Variants in PCDH9 observed in about 807,000 individuals in gnomAD.
PCDH9 encodes the protein protocadherin 9, also known as protocadherin-9.
Under a neutral mutation model 70.6 loss-of-function variants are expected in PCDH9, and 24 were observed. That is an observed-to-expected ratio of 0.34 (90% confidence interval 0.25 to 0.48). The LOEUF is 0.48. Among genes scored for constraint, PCDH9 ranks in the 20% least tolerant of loss-of-function variants. The probability of loss-of-function intolerance (pLI) is 0.99; values close to 1 mark genes in which losing one functional copy is unlikely to be tolerated. For missense variants in PCDH9, 1,281 were observed against 1,503.6 expected (o/e 0.85, Z 2.45); for synonymous variants, 562 against 558.5 (o/e 1.01, Z -0.09).
At position 66,526,515 on chromosome 13, in the gene PCDH9, CTCTCTCTCT is replaced by C. The variant is rs1593622877; in HGVS notation, c.3340+104686_3340+104694del. ...TTATACAATGCTTTGAAATCTCTCT[CTCTCTCTCT>C]CTCTCTCTGTCTCTGTCTCTCTCTG... On this transcript the variant is annotated intron_variant, in intron 4 of 4. Coordinates refer to ENST00000377865, the MANE Select transcript of PCDH9 (RefSeq NM_203487.3). 4.6e-5 allele frequency among the ~76,000 whole-genome samples: 4 copies of C among 87,760 alleles called. No homozygotes were observed. The East Asian group carries it at 1.3e-3, about 29-fold the overall frequency. The allele number at this position is 87,760 out of a possible 152,430, so 57.6% of individuals were successfully genotyped here.
chr13:67,196,911 C>T (rs1350028665), intron 2 of PCDH9, among the ~76,000 whole-genome samples: 1 of 151,756 alleles, frequency 6.6e-6, no homozygotes, highest in Non-Finnish European at 1.5e-5. Flanking sequence ...ATAAACATGG[C>T]TATAGGCAAA....
intron 3 of PCDH9, among the ~76,000 whole-genome samples, chr13:66,680,716 A>T (rs2078307518): frequency 6.6e-6 from 1 of 151,996 alleles, no homozygotes; most frequent in Admixed American, 6.6e-5. Context: ...AATGAGCAAT[A>T]GTACACAATA....
At chr13:66,747,016 G>GT (rs1416931679) in intron 3 of PCDH9, among the ~76,000 whole-genome samples, 2 of 150,826 alleles carry the variant, frequency 1.3e-5, no homozygotes, top group African/African-American at 2.4e-5. Flanking sequence ...CAAAAAAACT[G>GT]TATCTATAAT....
intron 4 of PCDH9, among the ~76,000 whole-genome samples, chr13:66,344,040 C>A (rs1281829348): frequency 1.3e-5 from 2 of 152,074 alleles, no homozygotes; most frequent in Non-Finnish European, 1.5e-5. Context: ...GTTAATTTGG[C>A]CATTTAATGT....
intron 4 of PCDH9, among the ~76,000 whole-genome samples, chr13:66,538,184 T>C (rs909893733): frequency 2.0e-5 from 3 of 152,110 alleles, no homozygotes; most frequent in Admixed American, 1.3e-4. Flanking sequence ...TTCTGCATAT[T>C]ATTCATGGAG....
chr13:66,385,962 G>A (rs900944856), intron 4 of PCDH9, among the ~76,000 whole-genome samples: 2 of 149,948 alleles, frequency 1.3e-5, no homozygotes, highest in South Asian at 4.2e-4. Context: ...AGTTACAACT[G>A]TATTTCCTAT....
At chr13:66,825,825 T>C (rs1308316557) in intron 3 of PCDH9, among the ~76,000 whole-genome samples, 1 of 152,160 alleles carries the variant, frequency 6.6e-6, no homozygotes, top group Non-Finnish European at 1.5e-5. Flanking sequence ...GACAAACAGC[T>C]TGATGCAATA....
intron 2 of PCDH9, among the ~76,000 whole-genome samples, chr13:66,969,832 A>T (rs890277450): frequency 8.5e-5 from 13 of 152,180 alleles, no homozygotes; most frequent in African/African-American, 2.9e-4. Context: ...TGGGACATGT[A>T]TACACTCTCG....
At chr13:66,829,746 A>AAAAAT (rs2080892394) in intron 3 of PCDH9, among the ~76,000 whole-genome samples, 1 of 147,064 alleles carries the variant, frequency 6.8e-6, no homozygotes, top group African/African-American at 2.5e-5. Context: ...AAAAAAAAAA[A>AAAAAT]TTTCATTTAG....
rs114845121 is a variant in PCDH9, at chr13:66,794,116, T to C, written c.3138+109388A>G. ...GAATAATTCTCTTTGTTATTTTATT[T>C]GTCTTAGAAACAAGAAAGATAGTTT... On this transcript the variant is annotated intron_variant, in intron 3 of 4. Coordinates refer to ENST00000377865, the MANE Select transcript of PCDH9 (RefSeq NM_203487.3). Among the ~76,000 whole-genome samples, 417 of 152,296 alleles carry C rather than the reference T, an allele frequency of 2.7e-3. 2 individuals carry two copies. Among genetic ancestry groups the C allele is most frequent in the African/African-American group, 9.6e-3 (398 of 41,568 alleles).
chr13:66,350,968 C>T (rs1956283002), intron 4 of PCDH9, among the ~76,000 whole-genome samples: 1 of 152,110 alleles, frequency 6.6e-6, no homozygotes, highest in Non-Finnish European at 1.5e-5. Context: ...CATTGCTAAT[C>T]TTTTCTCATG....
intron 3 of PCDH9, among the ~76,000 whole-genome samples, chr13:66,633,618 C>G (rs1204395389): frequency 6.6e-6 from 1 of 152,066 alleles, no homozygotes; most frequent in Non-Finnish European, 1.5e-5. Context: ...TTTAATGTGT[C>G]TTTGGTATTA....
intron 2 of PCDH9, among the ~76,000 whole-genome samples, chr13:67,159,498 G>A (rs943353995): frequency 4.6e-5 from 7 of 152,152 alleles, no homozygotes; most frequent in African/African-American, 1.4e-4. Context: ...AAAGAAAAGC[G>A]TAGAGTGAGT....
chr13:66,511,750 C>G (rs144568790), intron 4 of PCDH9, among the ~76,000 whole-genome samples: 116 of 152,080 alleles, frequency 7.6e-4, no homozygotes, highest in Middle Eastern at 3.4e-3. Context: ...GTGGTACCTC[C>G]CCTGACTCTC....
intron 2 of PCDH9, among the ~76,000 whole-genome samples, chr13:67,184,740 C>G (rs2088706121): frequency 6.6e-6 from 1 of 151,948 alleles, no homozygotes; most frequent in Non-Finnish European, 1.5e-5. Flanking sequence ...AAAAACCAAC[C>G]AACAAACAAA....
rs763621203 is a variant in PCDH9 at position 67,225,316 on chromosome 13, A to G, written c.3036+89T>C. 5 of 1,427,624 alleles carry G rather than the reference A, an allele frequency of 3.5e-6. No homozygotes were observed. In the East Asian group the frequency reaches 6.8e-5, roughly 19 times the overall value. The allele number at this position is 1,427,624 out of a possible 1,614,324, so 88.4% of individuals were successfully genotyped here. On this transcript the variant is annotated intron_variant, in intron 2 of 4. Coordinates refer to ENST00000377865, the MANE Select transcript of PCDH9 (RefSeq NM_203487.3). The stretch of plus-strand genomic sequence containing the variant: ...CTCTTTCTAACTAAGCTAAAGTTAG[A>G]CCAAAACAATAGACATACTGGCACG...
intron 4 of PCDH9, among the ~76,000 whole-genome samples, chr13:66,420,019 A>G (rs1233413562): frequency 1.3e-5 from 2 of 152,104 alleles, no homozygotes; most frequent in African/African-American, 4.8e-5. Context: ...AGGCTTGAGT[A>G]GGTGCTTTTC....
chr13:66,354,895 T>C (rs552422430), intron 4 of PCDH9, among the ~76,000 whole-genome samples: 1 of 152,250 alleles, frequency 6.6e-6, no homozygotes, highest in African/African-American at 2.4e-5. Context: ...TAACTTATTA[T>C]ATTCCAGGGC....
intron 3 of PCDH9, among the ~76,000 whole-genome samples, chr13:66,797,064 GAGAA>G (rs2080254065): frequency 6.6e-6 from 1 of 152,124 alleles, no homozygotes; most frequent in Non-Finnish European, 1.5e-5. Flanking sequence ...TTGAGATAAG[GAGAA>G]AGAGTTAGGG....
Sources: gnomAD v4.1 joint callset for allele counts (sites outside exome capture counted in the v4.1 genomes callset) on GRCh38, gnomAD v4.1.1 for gene constraint, MANE v1.5 for transcripts, NCBI Gene and HGNC (gene_info 2026-07-23, HGNC 2026-07-21) for gene names.